Variants in DPP6 observed in about 807,000 individuals in gnomAD.
DPP6 encodes the protein A-type potassium channel modulatory protein DPP6.
DPP6 carries 69 observed loss-of-function variants against 122.6 expected under a neutral mutation model. The ratio of observed to expected loss-of-function variants is 0.56; its 90% confidence interval spans 0.46 to 0.69. DPP6 has a LOEUF of 0.69. Ranked by LOEUF, DPP6 falls within the 30% of genes least tolerant of loss-of-function variation. DPP6 has a pLI of 0.00. For synonymous variants in DPP6, 418 were observed against 433.1 expected (o/e 0.97, Z 0.43); for missense variants, 928 against 1,116.9 (o/e 0.83, Z 2.41).
intron 1 of DPP6, among the ~76,000 whole-genome samples, chr7:154,204,479 A>T (rs1437908473): frequency 6.6e-6 from 1 of 152,192 alleles, no homozygotes; most frequent in Non-Finnish European, 1.5e-5. Flanking sequence ...AGAATTAATT[A>T]TTCAATGACT....
upstream of DPP6, among the ~76,000 whole-genome samples, chr7:154,049,304 TTGTG>T (rs66669803): frequency 0.18 from 21,155 of 117,074 alleles, 508 homozygotes; most frequent in African/African-American, 0.25. Context: ...TTTTCCTTGT[TTGTG>T]TGTGTGTGTG....
chr7:154,648,796 A>G (rs920086898), intron 6 of DPP6, among the ~76,000 whole-genome samples: 3 of 151,920 alleles, frequency 2.0e-5, no homozygotes, highest in Non-Finnish European at 4.4e-5. Flanking sequence ...GGGTGCACCT[A>G]TAGTCCCGGC....
intron 5 of DPP6, among the ~76,000 whole-genome samples, chr7:154,593,418 G>A (rs1832916293): frequency 6.6e-6 from 1 of 152,096 alleles, no homozygotes; most frequent in South Asian, 2.1e-4. Flanking sequence ...CAAACAGATG[G>A]GATTTTACCT....
intron 1 of DPP6, among the ~76,000 whole-genome samples, chr7:154,174,553 A>G (rs1797699023): frequency 1.3e-5 from 2 of 152,228 alleles, no homozygotes; most frequent in Non-Finnish European, 2.9e-5. Context: ...GCCAAGGCCT[A>G]TTGGTGTCTA....
chr7:154,367,889 C>T (rs112716540), intron 1 of DPP6, among the ~76,000 whole-genome samples: 1 of 152,198 alleles, frequency 6.6e-6, no homozygotes, highest in African/African-American at 2.4e-5. Flanking sequence ...TCACTGCAAC[C>T]TCCGCCTCCC....
upstream of DPP6, among the ~76,000 whole-genome samples, chr7:153,884,987 A>AATACATACATATATATATAT (rs1209555021): frequency 1.3e-3 from 153 of 116,458 alleles, 3 homozygotes; most frequent in East Asian, 0.023. Flanking sequence ...TCAAAACAAA[A>AATACATACATATATATATAT]ATATATATAT....
At chr7:154,859,110 C>T (rs1490733505) in intron 17 of DPP6, among the ~76,000 whole-genome samples, 1 of 152,270 alleles carries the variant, frequency 6.6e-6, no homozygotes. Context: ...TCGCTGCCAT[C>T]TGGGAAATGT....
chr7:154,558,549 A>G (rs1830201974), intron 4 of DPP6, among the ~76,000 whole-genome samples: 2 of 152,332 alleles, frequency 1.3e-5, no homozygotes, highest in Middle Eastern at 6.8e-3. Flanking sequence ...TTATAATATC[A>G]TATTTTTATT....
chr7:153,901,057 A>G (rs1799621831), intron 1 of DPP6, among the ~76,000 whole-genome samples: 1 of 152,190 alleles, frequency 6.6e-6, no homozygotes, highest in African/African-American at 2.4e-5. Context: ...ATAGACATCT[A>G]GGAAATGTTA....
intron 1 of DPP6, among the ~76,000 whole-genome samples, chr7:154,355,729 G>C (rs192971621): frequency 6.2e-4 from 94 of 152,280 alleles, no homozygotes; most frequent in African/African-American, 2.2e-3. Flanking sequence ...CCCCTGGAGA[G>C]AAATCACAAT....
intron 22 of DPP6, among the ~76,000 whole-genome samples, 155 bp downstream of exon 22, chr7:154,885,899 CG>C (rs1450246608): frequency 6.6e-6 from 1 of 152,144 alleles, no homozygotes. Context: ...TGGAAGAACC[CG>C]GGGAAGGAGA....
At chr7:153,868,353 T>G in the DPP6 span, among the ~76,000 whole-genome samples, 1 of 152,198 alleles carries the variant, frequency 6.6e-6, no homozygotes, top group Non-Finnish European at 1.5e-5. Flanking sequence ...TATTCAGAGA[T>G]TCAAATTCTT....
rs1177089148 is a variant in DPP6 at position 154,604,846 on chromosome 7, C to T, written c.628-32975C>T. Among the ~76,000 whole-genome samples, 2 of 120,008 alleles carry T rather than the reference C, an allele frequency of 1.7e-5. 1 individual carries two copies. Among genetic ancestry groups the T allele is most frequent in the Non-Finnish European group, 3.8e-5 (2 of 53,314 alleles). 78.7% of individuals were successfully genotyped at this position (120,008 alleles called of 152,430 possible). ...AAACAATGACGGTTTTGTTTCTCCC[C>T]GTCCTTGCCTATCTCTTTTGTTTGT... On this transcript the variant is annotated intron_variant, in intron 5 of 25. Transcript: ENST00000377770.
At chr7:154,108,346 A>AT (rs1563206872) in intron 1 of DPP6, among the ~76,000 whole-genome samples, 1 of 152,158 alleles carries the variant, frequency 6.6e-6, no homozygotes, top group East Asian at 1.9e-4. Flanking sequence ...TAGTAAACCA[A>AT]TTGATGTAGG....
chr7:153,762,489 C>T, the DPP6 span, among the ~76,000 whole-genome samples: 6 of 152,102 alleles, frequency 3.9e-5, no homozygotes, highest in African/African-American at 7.2e-5. Context: ...AGACTCTACC[C>T]GCCTGGCGCG....
chr7:154,064,996 G>T (rs988962294), intron 1 of DPP6, among the ~76,000 whole-genome samples: 5 of 152,032 alleles, frequency 3.3e-5, no homozygotes, highest in Admixed American at 1.3e-4. Flanking sequence ...CTCTCAAAAT[G>T]CACCCCTCCT....
In DPP6 at chr7:154,874,011, CAT is replaced by C. The variant is rs547507410; in HGVS notation, c.1883+1319_1883+1320del. Among the ~76,000 whole-genome samples the C allele has an allele frequency of 1.7e-3, 259 of 151,944 alleles. 1 individual carries two copies. Among genetic ancestry groups the C allele is most frequent in the Middle Eastern group, 6.8e-3 (2 of 292 alleles). ...ATACCCACATGCACACATACACACACATGCACACACATACGTGTGCATACGCA... is the reference window on the plus strand; with the variant it reads ...ATACCCACATGCACACATACACACACGCACACACATACGTGTGCATACGCA... On this transcript the variant is annotated intron_variant, in intron 19 of 25. Coordinates refer to ENST00000377770, the MANE Select transcript of DPP6 (RefSeq NM_130797.4).
At chr7:154,827,428 G>T (rs1029276255) in intron 16 of DPP6, among the ~76,000 whole-genome samples, 2 of 151,988 alleles carry the variant, frequency 1.3e-5, no homozygotes, top group African/African-American at 2.4e-5. Context: ...AAGTAGCCCC[G>T]CATGGGCTGC....
chr7:154,803,661 G>C (rs983044937), intron 13 of DPP6, among the ~76,000 whole-genome samples: 9 of 152,158 alleles, frequency 5.9e-5, no homozygotes, highest in Admixed American at 5.9e-4. Context: ...GGGTCGGGGA[G>C]GCTGCGGGCC....
Sources: gnomAD v4.1 joint callset for allele counts (sites outside exome capture counted in the v4.1 genomes callset) on GRCh38, gnomAD v4.1.1 for gene constraint, MANE v1.5 for transcripts, NCBI Gene and HGNC (gene_info 2026-07-23, HGNC 2026-07-21) for gene names.